The following TTC9 variants were observed in gnomAD, a reference collection of about 807,000 sequenced individuals.
TTC9 encodes the protein tetratricopeptide repeat domain 9.
In TTC9, 13 loss-of-function variants were observed where a neutral mutation model predicts 22.9. The observed-to-expected ratio is 0.57, with a 90% confidence interval of 0.37 to 0.90. The LOEUF is 0.90. Ranked by LOEUF, TTC9 falls within the 40% of genes least tolerant of loss-of-function variation. TTC9 has a pLI of 0.01. For synonymous variants in TTC9, 148 were observed against 133.2 expected, an observed-to-expected ratio of 1.11 and a Z score of -0.77; for missense variants, 280 against 291.8, an observed-to-expected ratio of 0.96 and a Z score of 0.29.
rs1594743544 is a variant in TTC9, at chr14:70,673,269, C to T, written c.*2114C>T. On this transcript the variant is annotated 3_prime_UTR_variant, in exon 3 of 3. Coordinates refer to ENST00000256367, the MANE Select transcript of TTC9 (RefSeq NM_015351.2). Reference sequence around the variant, plus strand: ...AATTATGTAAGCAGATGCCCCACCACGGCAGGATCCAATCACAGCCGAGGG... The same window carrying T: ...AATTATGTAAGCAGATGCCCCACCATGGCAGGATCCAATCACAGCCGAGGG... The T allele has an allele frequency of 2.6e-5, 4 of 152,210 alleles. No individual in the cohort carries two copies. The highest frequency in any genetic ancestry group is 1.3e-4 in the Admixed American group (2 of 15,272). 9.4% of individuals were successfully genotyped at this position (152,210 alleles called of 1,614,324 possible).
intron 1 of TTC9, among the ~76,000 whole-genome samples, chr14:70,643,931 A>G (rs1447536405): frequency 6.6e-6 from 1 of 152,240 alleles, no homozygotes. Context: ...CAGTAATAGT[A>G]GCAGATAAAA....
chr14:70,646,271 A>T (rs1436609870), intron 1 of TTC9, among the ~76,000 whole-genome samples: 1 of 152,222 alleles, frequency 6.6e-6, no homozygotes, highest in Non-Finnish European at 1.5e-5. Context: ...ATCCTGATAC[A>T]ATGATTAGAA....
chr14:70,653,039 C>T (rs1886008890), intron 1 of TTC9, among the ~76,000 whole-genome samples: 1 of 152,196 alleles, frequency 6.6e-6, no homozygotes, highest in South Asian at 2.1e-4. Flanking sequence ...CTCCATTAAC[C>T]TTGGACAGGA....
At chr14:70,653,485 C>A (rs540974317) in intron 1 of TTC9, among the ~76,000 whole-genome samples, 14 of 152,296 alleles carry the variant, frequency 9.2e-5, no homozygotes, top group African/African-American at 3.1e-4. Context: ...TATAACTCAT[C>A]AGTTAGTTGA....
At position 70,671,270 on chromosome 14, in the gene TTC9, A is replaced by T; in HGVS notation, c.*115A>T. 1.2e-6 allele frequency: 1 copy of T among 843,086 alleles called. No individual in the cohort carries two copies. Among genetic ancestry groups the T allele is most frequent in the South Asian group, 1.6e-5 (1 of 61,850 alleles). 52.2% of individuals were successfully genotyped at this position (843,086 alleles called of 1,614,324 possible). ...TTCTCCCCACTTCTTCTGGCTCCTC[A>T]TTTTTCCTCCTGTTGCACCCCAGCT... On this transcript the variant is annotated 3_prime_UTR_variant, in exon 3 of 3. Transcript: ENST00000256367.
At chr14:70,646,727 G>T (rs1247266407) in intron 1 of TTC9, among the ~76,000 whole-genome samples, 1 of 152,132 alleles carries the variant, frequency 6.6e-6, no homozygotes, top group Non-Finnish European at 1.5e-5. Flanking sequence ...GATTTTTGTT[G>T]ATCTTACCAA....
chr14:70,645,674 A>C (rs1885892219), intron 1 of TTC9, among the ~76,000 whole-genome samples: 2 of 152,148 alleles, frequency 1.3e-5, no homozygotes, highest in African/African-American at 4.8e-5. Context: ...AAGGAAGGAG[A>C]CCAGCAACTG....
intron 1 of TTC9, among the ~76,000 whole-genome samples, chr14:70,659,383 G>T (rs1395997926): frequency 6.6e-6 from 1 of 152,120 alleles, no homozygotes; most frequent in Non-Finnish European, 1.5e-5. Context: ...TAATTGGGGG[G>T]TTAGTTTTGC....
At chr14:70,660,417 T>G (rs997992834) in intron 1 of TTC9, among the ~76,000 whole-genome samples, 2 of 152,256 alleles carry the variant, frequency 1.3e-5, no homozygotes, top group Non-Finnish European at 2.9e-5. Context: ...AGATGGAAAT[T>G]TTCTCCAATT....
intron 1 of TTC9, among the ~76,000 whole-genome samples, chr14:70,661,286 C>T (rs1419052994): frequency 6.6e-6 from 1 of 152,202 alleles, no homozygotes; most frequent in Non-Finnish European, 1.5e-5. Flanking sequence ...TTCATTTTAA[C>T]TTGATCATCT....
intron 1 of TTC9, among the ~76,000 whole-genome samples, chr14:70,667,047 A>C (rs559610321): frequency 6.6e-6 from 1 of 152,284 alleles, no homozygotes; most frequent in East Asian, 1.9e-4. Flanking sequence ...GTGAGGAAGA[A>C]TCTGTTCCAT....
rs1248667243 is a variant in TTC9 at position 70,674,458 on chromosome 14, A to T, written c.*3303A>T. The T allele has an allele frequency of 6.6e-6, 1 of 152,360 alleles. No homozygotes were observed. The highest frequency in any genetic ancestry group is 1.9e-4 in the East Asian group (1 of 5,194). The allele number at this position is 152,360 out of a possible 1,614,324, so 9.4% of individuals were successfully genotyped here. On this transcript the variant is annotated 3_prime_UTR_variant, in exon 3 of 3. Transcript: ENST00000256367. ...GGATTTTTTTAAACAAAAACTGGATACACTGAATATACTCTTTAATAACTT... is the reference window on the plus strand; with the variant it reads ...GGATTTTTTTAAACAAAAACTGGATTCACTGAATATACTCTTTAATAACTT...
chr14:70,672,541 G>A lies in TTC9; in HGVS notation c.*1386G>A, dbSNP rs776514935. On this transcript the variant is annotated 3_prime_UTR_variant, in exon 3 of 3. Transcript: ENST00000256367. ...AATGGAAGGGTTAAGAAATGCATAT[G>A]AGATTATTACCAATGACACCGTTAA... is the stretch of plus-strand genomic sequence containing the variant. 1.3e-5 allele frequency: 2 copies of A among 152,202 alleles called. No individual in the cohort carries two copies. Among genetic ancestry groups the A allele is most frequent in the African/African-American group, 2.4e-5 (1 of 41,448 alleles). The allele number at this position is 152,202 out of a possible 1,614,324, so 9.4% of individuals were successfully genotyped here. A position where few individuals can be genotyped will look rare whatever the true frequency, so the allele number is the denominator to read the frequency against.
chr14:70,655,368 G>A (rs1231421285), intron 1 of TTC9, among the ~76,000 whole-genome samples: 4 of 151,460 alleles, frequency 2.6e-5, no homozygotes, highest in South Asian at 2.1e-4. Flanking sequence ...CTCTCCAAGC[G>A]TCGCTTGGGC....
intron 1 of TTC9, among the ~76,000 whole-genome samples, chr14:70,656,388 G>A (rs1475485249): frequency 1.3e-5 from 2 of 152,132 alleles, no homozygotes; most frequent in Non-Finnish European, 2.9e-5. Flanking sequence ...TTGCACCAAT[G>A]TCCCATTATT....
intron 1 of TTC9, among the ~76,000 whole-genome samples, chr14:70,660,124 A>G (rs1886124184): frequency 6.6e-6 from 1 of 152,200 alleles, no homozygotes; most frequent in South Asian, 2.1e-4. Context: ...ATCATGCAGC[A>G]CCTCATCCTT....
intron 1 of TTC9, among the ~76,000 whole-genome samples, chr14:70,663,862 C>T (rs1886177430): frequency 6.6e-6 from 1 of 152,138 alleles, no homozygotes; most frequent in Non-Finnish European, 1.5e-5. Context: ...TGTGGGTTTC[C>T]GATGGCTTCA....
chr14:70,652,650 G>A (rs1379155489), intron 1 of TTC9, among the ~76,000 whole-genome samples: 7 of 152,250 alleles, frequency 4.6e-5, no homozygotes, highest in African/African-American at 1.7e-4. Context: ...TGCTGGCTAA[G>A]TTCTAGCATC....
At chr14:70,661,773 T>C (rs1014728842) in intron 1 of TTC9, among the ~76,000 whole-genome samples, 2 of 152,192 alleles carry the variant, frequency 1.3e-5, no homozygotes, top group African/African-American at 4.8e-5. Flanking sequence ...GCTGATTCTC[T>C]ATTTGCTAAA....
Sources: gnomAD v4.1 joint callset for allele counts (sites outside exome capture counted in the v4.1 genomes callset) on GRCh38, gnomAD v4.1.1 for gene constraint, MANE v1.5 for transcripts, NCBI Gene and HGNC (gene_info 2026-07-23, HGNC 2026-07-21) for gene names.